DST: variants seen among roughly 807,000 people sequenced by gnomAD.
DST encodes the protein bullous pemphigoid antigen.
DST carries 253 observed loss-of-function variants against 875.2 expected under a neutral mutation model. The observed-to-expected ratio is 0.29, with a 90% CI of 0.26 to 0.32. The LOEUF is 0.32. Among genes scored for constraint, DST ranks in the 10% least tolerant of loss-of-function variants. The pLI is 1.00. For synonymous variants in DST, 3,124 were observed against 3,197.1 expected, an observed-to-expected ratio of 0.98 and a Z score of 0.77; for missense variants, 8,287 against 9,111.6, an observed-to-expected ratio of 0.91 and a Z score of 3.68.
intron 49 of DST, among the ~76,000 whole-genome samples, chr6:56,584,971 T>G (rs1295620872): frequency 6.7e-6 from 1 of 150,328 alleles, no homozygotes; most frequent in Admixed American, 6.6e-5. Context: ...ATAAGCTTTT[T>G]GATGTGCTGC....
chr6:56,884,574 T>G (rs753149126), intron 3 of DST, among the ~76,000 whole-genome samples: 99 of 152,142 alleles, frequency 6.5e-4, no homozygotes, highest in Non-Finnish European at 3.1e-4. Context: ...GTTCGTTATT[T>G]TATTAGGGCT....
At position 56,476,295 on chromosome 6, in the gene DST, C is replaced by T. The variant is rs552697542; in HGVS notation, c.21718G>A (p.Ala7240Thr). ...TGTTTGGCAATAAGCCCAGCCAGAG[C>T]ACTTGCTAATCTCTGCTGATGTTGC... ...AKQHQQRLASALAGLIAKQEL... is the reference protein window; with the variant it reads ...AKQHQQRLASTLAGLIAKQEL... The change falls in exon 92 of 104, where the codon GCT becomes ACT. Residue 7240 changes from alanine to threonine, a missense_variant. Transcript: ENST00000680361. 15 of 1,605,960 alleles carry T rather than the reference C, an allele frequency of 9.3e-6. No individual in the cohort carries two copies. Among genetic ancestry groups the T allele is most frequent in the African/African-American group, 1.3e-5 (1 of 74,924 alleles).
At chr6:56,771,100 C>G (rs1051758291) in intron 4 of DST, among the ~76,000 whole-genome samples, 1 of 151,528 alleles carries the variant, frequency 6.6e-6, no homozygotes, top group Non-Finnish European at 1.5e-5. Flanking sequence ...CATATCTCTT[C>G]TGGTCAATAT....
chr6:56,928,395 G>A (rs1808344954), intron 2 of DST, among the ~76,000 whole-genome samples: 1 of 152,096 alleles, frequency 6.6e-6, no homozygotes, highest in African/African-American at 2.4e-5. Context: ...ACACCAGAGA[G>A]TATAGAATAG....
chr6:56,715,863 T>C (rs1254750144), intron 5 of DST, among the ~76,000 whole-genome samples: 2 of 152,214 alleles, frequency 1.3e-5, no homozygotes, highest in South Asian at 2.1e-4. Context: ...CTGAAAATCA[T>C]TTATTGCCCC....
At position 56,552,413 on chromosome 6, in the gene DST, A is replaced by G. The variant is rs1222106536; in HGVS notation, c.16379T>C (p.Val5460Ala). ...LATEETSPDLVGIKRDLEALS... is the reference protein window; with the variant it reads ...LATEETSPDLAGIKRDLEALS... ...GGCCTCCAAGTCCCTTTTGATTCCA[A>G]CAAGGTCAGGAGAGGTTTCTTCTGT... Residue 5460 changes from valine to alanine, a missense_variant, in exon 61 of 104, where the codon GTT (valine) becomes GCT (alanine). By Grantham distance (64) the Val-to-Ala change is moderately conservative. This residue lies in a region of DST where 777 missense variants were observed against 764.8 expected (regional missense o/e 1.02). Transcript: ENST00000680361. 3 of 1,613,874 alleles carry G rather than the reference A, an allele frequency of 1.9e-6. No homozygotes were observed. The highest frequency in any genetic ancestry group is 1.3e-5 in the African/African-American group (1 of 74,924).
intron 71 of DST, among the ~76,000 whole-genome samples, chr6:56,515,885 G>A (rs2096576245): frequency 6.6e-6 from 1 of 151,930 alleles, no homozygotes; most frequent in African/African-American, 2.4e-5. Context: ...ATAAGACACT[G>A]AGATCTCCAA....
intron 4 of DST, among the ~76,000 whole-genome samples, chr6:56,743,911 T>G (rs1306648117): frequency 6.6e-6 from 1 of 152,184 alleles, no homozygotes; most frequent in African/African-American, 2.4e-5. Flanking sequence ...CCCAGTACTT[T>G]GGGAGGCTGA....
At chr6:56,700,981 C>CTTT (rs373838192) in intron 8 of DST, among the ~76,000 whole-genome samples, 17,366 of 128,366 alleles carry the variant, frequency 0.14, 1,752 homozygotes, top group Non-Finnish European at 0.22. Context: ...TTTCTCTTGC[C>CTTT]TTTTTTTTTT....
intron 77 of DST, among the ~76,000 whole-genome samples, chr6:56,505,170 C>G (rs2096270150): frequency 6.6e-6 from 1 of 152,198 alleles, no homozygotes; most frequent in Non-Finnish European, 1.5e-5. Flanking sequence ...TGACATCTAG[C>G]TACAGCTAGC....
intron 4 of DST, among the ~76,000 whole-genome samples, chr6:56,779,048 G>T (rs1256482171): frequency 2.6e-5 from 4 of 152,164 alleles, no homozygotes; most frequent in Admixed American, 6.5e-5. Context: ...AGCACCTGTT[G>T]TCTCCTGACT....
chr6:56,476,250 G>A lies in DST; in HGVS notation c.21763C>T (p.Leu7255=), dbSNP rs2095183335. 1 of 1,610,780 alleles carries A rather than the reference G, an allele frequency of 6.2e-7. No individual in the cohort carries two copies. Among genetic ancestry groups the A allele is most frequent in the Non-Finnish European group, 8.5e-7 (1 of 1,178,286 alleles). The change falls in exon 92 of 104, where the codon CTG becomes TTG. Residue 7255 remains leucine (L), a synonymous_variant. Coordinates refer to ENST00000680361, the MANE Select transcript of DST (RefSeq NM_001374736.1). ...IAKQELLEAL[L]AWLQWAETTL... is the part of the protein sequence containing the mutation. The stretch of plus-strand genomic sequence containing the variant: ...GTTTCAGCCCATTGCAACCAAGCCA[G>A]CAAAGCTTCCAACAATTCCTGTTTG...
At chr6:56,611,454 C>A (rs2098544057) in intron 38 of DST, 54 bp downstream of exon 38, 11 of 1,298,694 alleles carry the variant, frequency 8.5e-6, no homozygotes, top group Non-Finnish European at 1.2e-5. Context: ...TTGCTGAAAG[C>A]TTTTAAGAAT....
At chr6:56,882,003 A>G (rs1782459891) in intron 3 of DST, among the ~76,000 whole-genome samples, 1 of 152,190 alleles carries the variant, frequency 6.6e-6, no homozygotes, top group Admixed American at 6.5e-5. Flanking sequence ...ACAGAAATCC[A>G]CTTTAAAGTA....
intron 2 of DST, among the ~76,000 whole-genome samples, chr6:56,933,966 T>C (rs1023634837): frequency 1.3e-5 from 2 of 152,164 alleles, no homozygotes; most frequent in Non-Finnish European, 2.9e-5. Context: ...AATTCCTACA[T>C]TGTCTCTGGC....
rs781149123 is a variant in DST, at chr6:56,561,354, G to C, written c.14264C>G (p.Ala4755Gly). Reference protein sequence around the residue: ...KTATKWQQTPAPTDTEAVKTQ... With the variant: ...KTATKWQQTPGPTDTEAVKTQ... ...CTTCACAGCTTCAGTATCTGTAGGT[G>C]CAGGTGTCTGCTGCCATTTTGTTGC... Residue 4755 changes from alanine (A) to glycine (G), a missense_variant, in exon 57 of 104, where the codon GCA becomes GGA. By Grantham distance (60) the Ala-to-Gly change is moderately conservative. Around this residue, in one of 10 missense-constraint regions of DST, gnomAD observed 1,513 missense variants for 1,677.8 expected, o/e 0.90. Coordinates refer to ENST00000680361, the MANE Select transcript of DST (RefSeq NM_001374736.1). The C allele has an allele frequency of 6.2e-7, 1 of 1,613,586 alleles. No homozygotes were observed. The highest frequency in any genetic ancestry group is 8.5e-7 in the Non-Finnish European group (1 of 1,179,768).
chr6:56,462,422 A>C (rs1013686395), intron 102 of DST, among the ~76,000 whole-genome samples: 14 of 152,122 alleles, frequency 9.2e-5, no homozygotes, highest in East Asian at 1.9e-4. Flanking sequence ...TTTAAAAAAA[A>C]CCCATACATT....
chr6:56,648,639 G>A lies in DST; in HGVS notation c.1485C>T (p.Ile495=). 1.9e-6 allele frequency: 3 copies of A among 1,588,326 alleles called. No individual in the cohort carries two copies. The highest frequency in any genetic ancestry group is 2.6e-6 in the Non-Finnish European group (3 of 1,164,558). The part of the protein sequence containing the change: ...IEYQNMVNYL[I]QWIRHHVTTM... ...TGGTCACATGGTGTCTAATCCATTG[G>A]ATGAGGTAGTTCACCATATTCTGGT... Residue 495 remains isoleucine, a synonymous_variant, in exon 13 of 104, where the codon ATC becomes ATT. Transcript: ENST00000680361.
intron 2 of DST, among the ~76,000 whole-genome samples, chr6:56,932,657 CA>C (rs1810950028): frequency 6.6e-6 from 1 of 151,948 alleles, no homozygotes; most frequent in Non-Finnish European, 1.5e-5. Flanking sequence ...ATCAAATATT[CA>C]ACAAATAGTA....
Sources: allele counts gnomAD v4.1 joint callset (sites outside exome capture counted in the v4.1 genomes callset), GRCh38; gene constraint gnomAD v4.1.1; regional missense constraint gnomAD v4.1.1; transcripts MANE v1.5; gene names NCBI Gene and HGNC (gene_info 2026-07-23, HGNC 2026-07-21).